Variants in CDK18 observed in about 807,000 individuals in gnomAD.
CDK18 encodes cyclin dependent kinase 18, also known as cyclin-dependent kinase 18.
In CDK18, 52 loss-of-function variants were observed where a neutral mutation model predicts 62.0. The ratio of observed to expected loss-of-function variants is 0.84; its 90% confidence interval spans 0.67 to 1.06. The LOEUF (loss-of-function observed/expected upper bound fraction) is 1.06, where lower values mean the gene tolerates loss of function less well. Ranked by LOEUF, CDK18 falls within the 50% of genes least tolerant of loss-of-function variation. The pLI is 0.00. For missense variants in CDK18, 604 were observed against 619.9 expected (o/e 0.97, Z 0.27); for synonymous variants, 237 against 247.0 (o/e 0.96, Z 0.38).
intron 1 of CDK18, chr1:205,522,482 C>G (rs1346472678): frequency 1.3e-5 from 2 of 152,214 alleles, no homozygotes; most frequent in Non-Finnish European, 1.5e-5. Context: ...GTGCAGCTGG[C>G]CAGCTCTGAT....
chr1:205,510,600 T>C (rs1215855275), intron 1 of CDK18, among the ~76,000 whole-genome samples: 1 of 152,208 alleles, frequency 6.6e-6, no homozygotes, highest in Non-Finnish European at 1.5e-5. Context: ...TGCTGTGACT[T>C]TCTTGGCTGT....
Position 205,509,834 on chromosome 1 carries a change from C to T in CDK18, c.-22+5038C>T, listed in dbSNP as rs138729153. On this transcript the variant is annotated intron_variant, in intron 1 of 15. Coordinates refer to ENST00000429964, the MANE Select transcript of CDK18 (RefSeq NM_212502.3). ...GAGGCTCACACCTGTAATCCCAGAACTTTGGGAGGCCGAGGTAGGTGGATC... is the reference window on the plus strand; with the variant it reads ...GAGGCTCACACCTGTAATCCCAGAATTTTGGGAGGCCGAGGTAGGTGGATC... 3.9e-3 allele frequency among the ~76,000 whole-genome samples: 593 copies of T among 152,216 alleles called. 4 individuals carry two copies. The highest frequency in any genetic ancestry group is 0.014 in the African/African-American group (563 of 41,520).
intron 1 of CDK18, among the ~76,000 whole-genome samples, chr1:205,521,463 C>A (rs1251133518): frequency 6.6e-6 from 1 of 152,218 alleles, no homozygotes; most frequent in Admixed American, 6.5e-5. Context: ...ATGCACCTGC[C>A]TCAGCCTCCC....
intron 5 of CDK18, among the ~76,000 whole-genome samples, chr1:205,525,497 C>T (rs1668378953): frequency 6.6e-6 from 1 of 152,140 alleles, no homozygotes; most frequent in African/African-American, 2.4e-5. Context: ...CCACCATTTA[C>T]TAGCTCTGTG....
intron 13 of CDK18, 91 bp from the exon 14 acceptor site, chr1:205,530,168 C>T: frequency 1.9e-6 from 3 of 1,578,602 alleles, no homozygotes; most frequent in East Asian, 2.2e-5. Flanking sequence ...GCCTCACCCA[C>T]CTTGGTGCTC....
At position 205,517,594 on chromosome 1, in the gene CDK18, A is replaced by G. The variant is rs1425845703; in HGVS notation, c.-21-5553A>G. Among the ~76,000 whole-genome samples, 1 of 152,024 alleles carries G rather than the reference A, an allele frequency of 6.6e-6. No homozygotes were observed. The highest frequency in any genetic ancestry group is 1.5e-5 in the Non-Finnish European group (1 of 68,006). On this transcript the variant is annotated intron_variant, in intron 1 of 15. Coordinates refer to ENST00000429964, the MANE Select transcript of CDK18 (RefSeq NM_212502.3). The surrounding 1 kb of genome is among the most constrained non-coding windows in gnomAD (Gnocchi z 4.1). ...ACTCCCAGAATGCCTTGTCTCCTCC[A>G]GTGACTGTTCTATCTCTCCACTCCG...
chr1:205,525,795 G>A (rs1668392428), intron 5 of CDK18, among the ~76,000 whole-genome samples: 1 of 152,226 alleles, frequency 6.6e-6, no homozygotes, highest in Non-Finnish European at 1.5e-5. Context: ...GTAAACATCA[G>A]CATCGTATAA....
chr1:205,509,587 G>T (rs1014412805), intron 1 of CDK18, among the ~76,000 whole-genome samples: 5 of 152,164 alleles, frequency 3.3e-5, no homozygotes, highest in African/African-American at 1.2e-4. Flanking sequence ...TCATGTGATT[G>T]CGAGGACTCC....
chr1:205,525,136 C>G lies in CDK18; in HGVS notation c.400-3C>G. ...CACGGCATTCTATGTCTCTCCCTCTCAGTCAGACATTGGCTTTGGGAAACT... is the reference window on the plus strand; with the variant it reads ...CACGGCATTCTATGTCTCTCCCTCTGAGTCAGACATTGGCTTTGGGAAACT... On this transcript the variant is annotated splice_region_variant and splice_polypyrimidine_tract_variant and intron_variant, in intron 4 of 15. Coordinates refer to ENST00000429964, the MANE Select transcript of CDK18 (RefSeq NM_212502.3). 1 of 1,605,090 alleles carries G rather than the reference C, an allele frequency of 6.2e-7. No individual in the cohort carries two copies. The highest frequency in any genetic ancestry group is 2.2e-5 in the East Asian group (1 of 44,806).
intron 1 of CDK18, among the ~76,000 whole-genome samples, chr1:205,512,408 G>A (rs1462294370): frequency 3.9e-5 from 6 of 152,230 alleles, no homozygotes; most frequent in Admixed American, 6.5e-5. Flanking sequence ...AGTGCCTGGC[G>A]CTGAGCAGGT....
intron 11 of CDK18, 77 bp from the exon 12 acceptor site, chr1:205,529,247 A>C (rs1668607745): frequency 2.1e-6 from 3 of 1,428,624 alleles, no homozygotes; most frequent in Non-Finnish European, 2.9e-6. Context: ...CTCCCACCTC[A>C]TACATTGCAT....
chr1:205,514,373 G>T (rs187433141), intron 1 of CDK18, among the ~76,000 whole-genome samples: 129 of 152,186 alleles, frequency 8.5e-4, no homozygotes, highest in African/African-American at 3.0e-3. Flanking sequence ...GAGGAAGCAT[G>T]CCCCGGGGAG....
chr1:205,523,510 A>G lies in CDK18; in HGVS notation c.158A>G (p.Asp53Gly). 1 of 1,604,118 alleles carries G rather than the reference A, an allele frequency of 6.2e-7. No homozygotes were observed. The highest frequency in any genetic ancestry group is 8.5e-7 in the Non-Finnish European group (1 of 1,176,024). The change falls in exon 3 of 16, where the codon GAC becomes GGC. Residue 53 changes from aspartate to glycine, a missense_variant. Coordinates refer to ENST00000429964, the MANE Select transcript of CDK18 (RefSeq NM_212502.3). ...TTGCAGCTCGGTCCTCTTGGCAGAG[A>G]CCCCCCGCAGGAGTGCAGCACCTTC... ...ENLQLGPLGR[D>G]PPQECSTFSP...
At position 205,532,476 on chromosome 1, in the gene CDK18, G is replaced by A. The variant is rs538210887; in HGVS notation, c.*1098G>A. 6.6e-6 allele frequency: 1 copy of A among 152,578 alleles called. No individual in the cohort carries two copies. The highest frequency in any genetic ancestry group is 2.4e-5 in the African/African-American group (1 of 41,464). 9.5% of individuals were successfully genotyped at this position (152,578 alleles called of 1,614,324 possible). A position where few individuals can be genotyped will look rare whatever the true frequency, so the allele number is the denominator to read the frequency against. On this transcript the variant is annotated 3_prime_UTR_variant, in exon 16 of 16. Coordinates refer to ENST00000429964, the MANE Select transcript of CDK18 (RefSeq NM_212502.3). ...CCAGAGGGCGGCCACGACAGGGAGA[G>A]GTGTAGATGCCACCATCTGAGGGAG...
chr1:205,511,123 A>T (rs1009236864), intron 1 of CDK18, among the ~76,000 whole-genome samples: 1 of 152,248 alleles, frequency 6.6e-6, no homozygotes, highest in Non-Finnish European at 1.5e-5. Flanking sequence ...CCAAGTCCCG[A>T]CAGTTTTTGT....
intron 13 of CDK18, 24 bp from the exon 14 acceptor site, chr1:205,530,235 A>G (rs754186608): frequency 9.3e-6 from 15 of 1,609,710 alleles, no homozygotes; most frequent in African/African-American, 5.3e-5. Context: ...GCCGGGCCCA[A>G]TAGCCCCACC....
chr1:205,528,038 C>T lies in CDK18; in HGVS notation c.854-10C>T, dbSNP rs184594529. The T allele has an allele frequency of 1.7e-5, 27 of 1,614,136 alleles. No homozygotes were observed. The Admixed American group carries it at 4.2e-4, about 25-fold the overall frequency. On this transcript the variant is annotated splice_polypyrimidine_tract_variant and intron_variant, in intron 9 of 15. Transcript: ENST00000429964. This position sits in a 1 kb window ranked among gnomAD's most constrained non-coding sequence, Gnocchi z 4.2. ...TGTGGACAGAGGTCCAGTGACATGT[C>T]TGCCCCCAGGACTGGCCAGGGCCAA...
Position 205,530,401 on chromosome 1 carries a change from T to C in CDK18, c.1312+52T>C, listed in dbSNP as rs6683498. ...GCCACCCAGAACCAAGGAAAGGGGT[T>C]GGTGAGTGTGGGCAGAAGAACCAGA... On this transcript the variant is annotated intron_variant, in intron 14 of 15. Transcript: ENST00000429964. 499 of 1,550,578 alleles carry C rather than the reference T, an allele frequency of 3.2e-4. No homozygotes were observed. In the African/African-American group the frequency reaches 5.9e-3, roughly 18 times the overall value.
intron 4 of CDK18, among the ~76,000 whole-genome samples, chr1:205,524,688 C>A (rs1668332291): frequency 6.6e-6 from 1 of 152,248 alleles, no homozygotes; most frequent in Non-Finnish European, 1.5e-5. Context: ...AACACAGACT[C>A]TACCTCCAGA....
Sources: gnomAD v4.1 joint callset for allele counts (sites outside exome capture counted in the v4.1 genomes callset) on GRCh38, gnomAD v4.1.1 for gene constraint, Gnocchi (gnomAD v3.1) non-coding constraint, MANE v1.5 for transcripts, NCBI Gene and HGNC (gene_info 2026-07-23, HGNC 2026-07-21) for gene names.